The following CCND3 variants were observed in gnomAD, a reference collection of about 807,000 sequenced individuals.
The protein encoded by CCND3 is G1/S-specific cyclin-D3.
CCND3 carries 9 observed loss-of-function variants against 28.7 expected under a neutral mutation model. That is an observed-to-expected ratio of 0.31 (90% CI 0.19 to 0.55). The LOEUF (loss-of-function observed/expected upper bound fraction) is 0.55. Ranked by LOEUF, CCND3 falls within the 20% of genes least tolerant of loss-of-function variation. The pLI, the probability that CCND3 is intolerant of heterozygous loss-of-function variation, is 0.93. For missense variants in CCND3, 315 were observed against 385.8 expected (o/e 0.82, Z 1.54); for synonymous variants, 164 against 163.9 (o/e 1.00, Z 0.00).
At chr6:41,940,945 C>G (rs1391191141) in intron 1 of CCND3, 1 of 1,612,338 alleles carries the variant, frequency 6.2e-7, no homozygotes, top group South Asian at 1.1e-5. Context: ...GCCACCACTG[C>G]ACACACCCGA....
rs1396089018 is a variant in CCND3 at position 41,935,978 on chromosome 6, T to C, written c.841A>G (p.Thr281Ala). ...RGSSSQGPSQTSTPTDVTAIH... is the reference protein window; with the variant it reads ...RGSSSQGPSQASTPTDVTAIH... ...GCTGTGACATCTGTAGGAGTGCTGG[T>C]CTGGCTGGGCCCTTGGCTGCTGGAG... Residue 281 changes from threonine (T) to alanine (A), a missense_variant, in exon 5 of 5, where the codon ACC (threonine) becomes GCC (alanine). Coordinates refer to ENST00000372991, the MANE Select transcript of CCND3 (RefSeq NM_001760.5). The C allele has an allele frequency of 6.2e-7, 1 of 1,613,206 alleles. No homozygotes were observed. The highest frequency in any genetic ancestry group is 8.5e-7 in the Non-Finnish European group (1 of 1,179,684).
Position 41,935,868 on chromosome 6 carries a change from C to T in CCND3, c.*72G>A. The T allele has an allele frequency of 3.5e-6, 5 of 1,414,986 alleles. No homozygotes were observed. Among genetic ancestry groups the T allele is most frequent in the Non-Finnish European group, 2.9e-6 (3 of 1,023,538 alleles). 87.7% of individuals were successfully genotyped at this position (1,414,986 alleles called of 1,614,324 possible). On this transcript the variant is annotated 3_prime_UTR_variant, in exon 5 of 5. Coordinates refer to ENST00000372991, the MANE Select transcript of CCND3 (RefSeq NM_001760.5). The stretch of plus-strand genomic sequence containing the variant: ...CTTCAGGCTTAGATGTGGTGTGGTT[C>T]CTGGAGGCAGGGAGGTGGGTGGCAG...
At position 42,048,722 on chromosome 6, in the gene CCND3, G is replaced by A. The variant is rs1328328249; in HGVS notation, c.-267C>T. 1 of 509,568 alleles carries A rather than the reference G, an allele frequency of 2.0e-6. No homozygotes were observed. The highest frequency in any genetic ancestry group is 3.9e-6 in the Non-Finnish European group (1 of 256,104). The allele number at this position is 509,568 out of a possible 1,614,324, so 31.6% of individuals were successfully genotyped here. A position where few individuals can be genotyped will look rare whatever the true frequency, so the allele number is the denominator to read the frequency against. On this transcript the variant is annotated 5_prime_UTR_variant, in exon 1 of 5. Transcript: ENST00000372988. This position sits in a 1 kb window ranked among gnomAD's most constrained non-coding sequence, Gnocchi z 4.7. Reference sequence around the variant, plus strand: ...CGCGCCGCGCCGCCGATCCAGAGCTGGGCAGGAAGTGGGGAAGAGGGGGCG... The same window carrying A: ...CGCGCCGCGCCGCCGATCCAGAGCTAGGCAGGAAGTGGGGAAGAGGGGGCG...
At chr6:41,952,848 T>C (rs1175197577) in intron 1 of CCND3, among the ~76,000 whole-genome samples, 2 of 151,832 alleles carry the variant, frequency 1.3e-5, no homozygotes, top group African/African-American at 4.8e-5. Flanking sequence ...AAACGTGGGA[T>C]TTCATCAAGT....
Position 41,941,274 on chromosome 6 carries a change from G to A in CCND3, c.198+178C>T, listed in dbSNP as rs1323595286. On this transcript the variant is annotated intron_variant, in intron 1 of 4. Coordinates refer to ENST00000372991, the MANE Select transcript of CCND3 (RefSeq NM_001760.5). The surrounding 1 kb of genome is among the most constrained non-coding windows in gnomAD (Gnocchi z 6.1). ...GTCACTGTCGGGAGGAGCCGATTAG[G>A]GCTCGGGAAAGCAAGGGAGGCAGCT... is the stretch of plus-strand genomic sequence containing the variant. The A allele has an allele frequency of 2.1e-6, 3 of 1,439,916 alleles. No homozygotes were observed. In the African/African-American group the frequency reaches 4.3e-5, roughly 21 times the overall value. The allele number at this position is 1,439,916 out of a possible 1,614,324, so 89.2% of individuals were successfully genotyped here.
Position 41,941,660 on chromosome 6 carries a change from C to A in CCND3, c.-11G>T, listed in dbSNP as rs1037252599. 8 of 1,421,390 alleles carry A rather than the reference C, an allele frequency of 5.6e-6. No homozygotes were observed. The highest frequency in any genetic ancestry group is 9.2e-7 in the Non-Finnish European group (1 of 1,088,188). The allele number at this position is 1,421,390 out of a possible 1,614,324, so 88.0% of individuals were successfully genotyped here. A position where few individuals can be genotyped will look rare whatever the true frequency, so the allele number is the denominator to read the frequency against. On this transcript the variant is annotated 5_prime_UTR_variant, in exon 1 of 5. Coordinates refer to ENST00000372991, the MANE Select transcript of CCND3 (RefSeq NM_001760.5). The surrounding 1 kb of genome is among the most constrained non-coding windows in gnomAD (Gnocchi z 6.1). ...ACACAGCAGCTCCATACTCGGGCAG[C>A]GAACAGGCAGGGCGGGAGTGCGGGC... is the stretch of plus-strand genomic sequence containing the variant.
At chr6:41,965,739 C>G (rs1761869663) in intron 1 of CCND3, among the ~76,000 whole-genome samples, 1 of 152,162 alleles carries the variant, frequency 6.6e-6, no homozygotes, top group African/African-American at 2.4e-5. Context: ...ATCAGACTAA[C>G]TGGCCCAAGC....
intron 1 of CCND3, among the ~76,000 whole-genome samples, chr6:41,974,447 C>A (rs929242524): frequency 6.6e-6 from 1 of 152,276 alleles, no homozygotes; most frequent in African/African-American, 2.4e-5. Context: ...GTGCCAGCCC[C>A]CTCCCCTCTA....
intron 1 of CCND3, among the ~76,000 whole-genome samples, chr6:41,967,773 T>G (rs1205164579): frequency 2.6e-5 from 4 of 152,176 alleles, no homozygotes; most frequent in Non-Finnish European, 5.9e-5. Flanking sequence ...CAGAACCTGT[T>G]AACTATGCAG....
intron 1 of CCND3, among the ~76,000 whole-genome samples, chr6:41,965,707 A>G (rs1044006745): frequency 2.6e-5 from 4 of 151,930 alleles, no homozygotes; most frequent in African/African-American, 9.7e-5. Flanking sequence ...AGGGCCAGGA[A>G]CCCTCCCTCA....
At chr6:41,956,614 A>G (rs1776443196) in intron 1 of CCND3, among the ~76,000 whole-genome samples, 1 of 152,254 alleles carries the variant, frequency 6.6e-6, no homozygotes, top group South Asian at 2.1e-4. Flanking sequence ...ATCTGATAGC[A>G]TGATCTAAAT....
intron 1 of CCND3, among the ~76,000 whole-genome samples, chr6:42,006,637 G>A (rs1030421193): frequency 3.0e-4 from 45 of 152,158 alleles, no homozygotes; most frequent in African/African-American, 9.4e-4. Context: ...AGCCAGGCGC[G>A]GTGGCCCATG....
intron 1 of CCND3, among the ~76,000 whole-genome samples, chr6:41,954,267 A>AAAAAAAAAAAAAAG: frequency 7.3e-6 from 1 of 137,576 alleles, no homozygotes; most frequent in Non-Finnish European, 1.6e-5. Flanking sequence ...AAAAAAAAAA[A>AAAAAAAAAAAAAAG]AAAAAAAAGG....
intron 1 of CCND3, among the ~76,000 whole-genome samples, chr6:42,003,067 C>T (rs1763060411): frequency 6.7e-6 from 1 of 148,956 alleles, no homozygotes; most frequent in Non-Finnish European, 1.5e-5. Flanking sequence ...GAGGCTGAGG[C>T]AGGAGAATCA....
intron 1 of CCND3, among the ~76,000 whole-genome samples, chr6:41,984,404 T>A (rs7750075): frequency 6.6e-6 from 1 of 152,130 alleles, no homozygotes; most frequent in Non-Finnish European, 1.5e-5. Flanking sequence ...TGGAGTGCAA[T>A]GGCACAATCT....
chr6:42,026,280 G>A (rs536105458), intron 1 of CCND3, among the ~76,000 whole-genome samples: 3 of 133,776 alleles, frequency 2.2e-5, no homozygotes, highest in Non-Finnish European at 4.8e-5. Flanking sequence ...CTCTCCCCCC[G>A]CCGCCCCCCT....
At position 41,941,069 on chromosome 6, in the gene CCND3, C is replaced by A; in HGVS notation, c.198+383G>T. On this transcript the variant is annotated intron_variant, in intron 1 of 4. Transcript: ENST00000372991. The surrounding 1 kb of genome is among the most constrained non-coding windows in gnomAD (Gnocchi z 6.1). Reference sequence around the variant, plus strand: ...CCCCGCCAGAACCCCGCGAAAGACACAGGAACCGGCTCCCGGGCGGGGGCG... The same window carrying A: ...CCCCGCCAGAACCCCGCGAAAGACAAAGGAACCGGCTCCCGGGCGGGGGCG... 1 of 1,573,370 alleles carries A rather than the reference C, an allele frequency of 6.4e-7. No homozygotes were observed. The highest frequency in any genetic ancestry group is 1.8e-5 in the Admixed American group (1 of 54,324).
At chr6:41,983,251 G>A (rs557317449) in intron 1 of CCND3, among the ~76,000 whole-genome samples, 47 of 151,806 alleles carry the variant, frequency 3.1e-4, no homozygotes, top group African/African-American at 9.9e-4. Flanking sequence ...GGTGGCGGGC[G>A]CCTGTAATCC....
upstream of CCND3, among the ~76,000 whole-genome samples, chr6:41,944,022 T>C (rs895604295): frequency 2.0e-5 from 3 of 152,176 alleles, no homozygotes; most frequent in Non-Finnish European, 4.4e-5. Context: ...AAATCAGTAT[T>C]TTTAAAACTT....
Sources: gnomAD v4.1 joint callset for allele counts (sites outside exome capture counted in the v4.1 genomes callset) on GRCh38, gnomAD v4.1.1 for gene constraint, Gnocchi (gnomAD v3.1) non-coding constraint, MANE v1.5 for transcripts, NCBI Gene and HGNC (gene_info 2026-07-23, HGNC 2026-07-21) for gene names.